Variants in DNAH3 observed in about 807,000 individuals in gnomAD.
The protein encoded by DNAH3 is dynein axonemal heavy chain 3.
DNAH3 carries 332 observed loss-of-function variants against 432.5 expected under a neutral mutation model. That is an observed-to-expected ratio of 0.77 (90% CI 0.70 to 0.84). The LOEUF (loss-of-function observed/expected upper bound fraction) is 0.84. DNAH3 is among the 40% of genes least tolerant of loss of function. DNAH3 has a pLI of 0.00. For synonymous variants in DNAH3, 1,956 were observed against 1,900.2 expected (o/e 1.03, Z -0.76); for missense variants, 4,861 against 5,114.0 (o/e 0.95, Z 1.51).
At chr16:21,121,755 G>T (rs141085424) in intron 10 of DNAH3, among the ~76,000 whole-genome samples, 190 bp downstream of exon 11, 109 of 152,018 alleles carry the variant, frequency 7.2e-4, no homozygotes, top group African/African-American at 2.6e-3. Context: ...CACAATTCTG[G>T]GCTGCGTGAA....
intron 31 of DNAH3, among the ~76,000 whole-genome samples, chr16:21,048,485 C>T (rs1043076041): frequency 9.4e-4 from 143 of 152,330 alleles, no homozygotes; most frequent in African/African-American, 3.4e-3. Context: ...AAGGGAACTC[C>T]CTGACCCCTT....
chr16:21,125,912 C>T (rs767768956), intron 8 of DNAH3, among the ~76,000 whole-genome samples: 4 of 152,082 alleles, frequency 2.6e-5, no homozygotes, highest in African/African-American at 7.2e-5. Context: ...TTTGGGAGGC[C>T]GAAGCGGGCA....
intron 44 of DNAH3, among the ~76,000 whole-genome samples, chr16:20,994,149 G>A (rs890970914): frequency 6.6e-6 from 1 of 151,630 alleles, no homozygotes; most frequent in African/African-American, 2.4e-5. Context: ...TTAAAAAATG[G>A]CCTGGCGCAG....
intron 7 of DNAH3, among the ~76,000 whole-genome samples, chr16:21,133,944 G>A (rs187295503): frequency 8.3e-4 from 126 of 152,212 alleles, no homozygotes; most frequent in East Asian, 4.3e-3. Flanking sequence ...AAAGTGATGC[G>A]ACCACATATA....
chr16:20,949,165 G>A (rs1222139473), intron 56 of DNAH3, among the ~76,000 whole-genome samples: 6 of 150,736 alleles, frequency 4.0e-5, no homozygotes, highest in East Asian at 1.9e-4. Context: ...AGTCTGTCAC[G>A]CTGACCCACC....
intron 52 of DNAH3, among the ~76,000 whole-genome samples, chr16:20,966,719 G>T (rs2085080378): frequency 6.6e-6 from 1 of 152,160 alleles, no homozygotes; most frequent in South Asian, 2.1e-4. Flanking sequence ...CAGCCCGTGG[G>T]GATGAGTTTC....
intron 44 of DNAH3, among the ~76,000 whole-genome samples, chr16:20,988,654 G>C (rs114937091): frequency 0.014 from 2,065 of 152,332 alleles, 37 homozygotes; most frequent in African/African-American, 0.047. Context: ...TTGTAAAAGA[G>C]TCTATCAATT....
intron 29 of DNAH3, among the ~76,000 whole-genome samples, chr16:21,050,629 G>A (rs2089915149): frequency 6.6e-6 from 1 of 152,088 alleles, no homozygotes; most frequent in South Asian, 2.1e-4. Context: ...TTGTAGAGAT[G>A]GGATTTTGCC....
At chr16:21,060,198 A>G in intron 26 of DNAH3, 66 bp downstream of exon 26, 2 of 1,321,826 alleles carry the variant, frequency 1.5e-6, no homozygotes, top group Non-Finnish European at 1.1e-6. Flanking sequence ...TGACACATGA[A>G]CCTTCTCCCC....
rs557682950 is a variant in DNAH3, at chr16:21,019,417, C to T, written c.6022+207G>A. 5.1e-5 allele frequency: 32 copies of T among 626,844 alleles called. 1 individual carries two copies. The South Asian group carries it at 6.4e-4, about 13-fold the overall frequency. The allele number at this position is 626,844 out of a possible 1,614,324, so 38.8% of individuals were successfully genotyped here. A position where few individuals can be genotyped will look rare whatever the true frequency, so the allele number is the denominator to read the frequency against. ...TCAAGTGATCTGCCCACCTCAGCCT[C>T]CCAAAGTGCTGGGATTACCAGTGTG... is the stretch of plus-strand genomic sequence containing the variant. On this transcript the variant is annotated intron_variant, in intron 41 of 61. Transcript: ENST00000261383.
intron 26 of DNAH3, 94 bp downstream of exon 26, chr16:21,060,170 A>G: frequency 1.0e-6 from 1 of 993,972 alleles, no homozygotes; most frequent in Non-Finnish European, 1.6e-6. Context: ...TAGAAAGCAG[A>G]GGGTCCAGCC....
At chr16:21,058,166 G>A in exon 27 of DNAH3, 1 of 1,613,602 alleles carries the variant, frequency 6.2e-7, no homozygotes, top group Non-Finnish European at 8.5e-7. Context: ...ACCTGTCCAG[G>A]CCACTGTAAG....
chr16:21,117,190 T>C lies in DNAH3; in HGVS notation c.1814+13A>G, dbSNP rs1337328072. ...AAAAGCTACATAGCTAATAAATTTA[T>C]AACTCAACTTACTTGCAGGGGCCAA... is the stretch of plus-strand genomic sequence containing the variant. On this transcript the variant is annotated intron_variant, in intron 12 of 61. Transcript: ENST00000261383. 6.4e-7 allele frequency: 1 copy of C among 1,560,528 alleles called. No individual in the cohort carries two copies. The highest frequency in any genetic ancestry group is 8.7e-7 in the Non-Finnish European group (1 of 1,143,302).
intron 44 of DNAH3, among the ~76,000 whole-genome samples, chr16:20,995,027 C>T (rs944220791): frequency 1.3e-5 from 2 of 152,042 alleles, no homozygotes; most frequent in African/African-American, 4.8e-5. Flanking sequence ...TTTGACCTCC[C>T]AAGGTTCAAG....
intron 18 of DNAH3, among the ~76,000 whole-genome samples, chr16:21,095,262 CATAA>C (rs1452130816): frequency 6.6e-6 from 1 of 152,170 alleles, no homozygotes; most frequent in Non-Finnish European, 1.5e-5. Flanking sequence ...AAAACGTTGA[CATAA>C]ATATTTACAG....
At chr16:21,039,199 T>C (rs189295973) in intron 33 of DNAH3, among the ~76,000 whole-genome samples, 4 of 151,528 alleles carry the variant, frequency 2.6e-5, no homozygotes, top group African/African-American at 9.7e-5. Context: ...TAATTGCATA[T>C]GTTTTATAGT....
At chr16:20,940,886 G>T (rs1283764149) in intron 59 of DNAH3, among the ~76,000 whole-genome samples, 1 of 152,054 alleles carries the variant, frequency 6.6e-6, no homozygotes, top group Non-Finnish European at 1.5e-5. Context: ...TTGAGGCCAG[G>T]AGTTCAAGAC....
chr16:21,145,525 T>C, intron 2 of DNAH3, 119 bp from the exon 4 acceptor site: 1 of 802,474 alleles, frequency 1.2e-6, no homozygotes, highest in Non-Finnish European at 2.1e-6. Context: ...TTCTGCCTTC[T>C]GCACATTCAG....
At chr16:21,015,705 A>C (rs1430162134) in intron 41 of DNAH3, among the ~76,000 whole-genome samples, 1 of 152,232 alleles carries the variant, frequency 6.6e-6, no homozygotes, top group African/African-American at 2.4e-5. Context: ...TTTTCTATAA[A>C]TTTAAGACTA....
Sources: allele counts gnomAD v4.1 joint callset (sites outside exome capture counted in the v4.1 genomes callset), GRCh38; gene constraint gnomAD v4.1.1; transcripts MANE v1.5; gene names NCBI Gene and HGNC (gene_info 2026-07-23, HGNC 2026-07-21).